The following DGKB variants were observed in gnomAD, a reference collection of about 807,000 sequenced individuals.
DGKB encodes the protein diacylglycerol kinase beta, also known as 90 kDa diacylglycerol kinase.
In DGKB, 67 loss-of-function variants were observed where a neutral mutation model predicts 114.3. The observed-to-expected ratio is 0.59, with a 90% CI of 0.48 to 0.72. DGKB has a LOEUF of 0.72. Ranked by LOEUF, DGKB falls within the 30% of genes least tolerant of loss-of-function variation. The pLI, the probability that DGKB is intolerant of heterozygous loss-of-function variation, is 0.00. For synonymous variants in DGKB, 398 were observed against 323.1 expected (o/e 1.23, Z -2.49); for missense variants, 907 against 975.2 (o/e 0.93, Z 0.93).
In DGKB at chr7:14,512,619, T is replaced by C. The variant is rs908663291; in HGVS notation, c.1771-34394A>G. ...GGTTTTAGAATCTGACTTCCAGCCA[T>C]TGAGAAAACAAAGAAACTAGTATGG... On this transcript the variant is annotated intron_variant, in intron 20 of 25. Coordinates refer to ENST00000402815, the MANE Select transcript of DGKB (RefSeq NM_001350709.2). Among the ~76,000 whole-genome samples the C allele has an allele frequency of 2.6e-5, 4 of 152,252 alleles. No individual in the cohort carries two copies. The South Asian group carries it at 6.2e-4, about 24-fold the overall frequency.
At chr7:14,697,890 A>G (rs1446307685) in intron 8 of DGKB, among the ~76,000 whole-genome samples, 1 of 145,962 alleles carries the variant, frequency 6.9e-6, no homozygotes, top group African/African-American at 2.6e-5. Flanking sequence ...GGAGGGGAGA[A>G]AGAAAGAGAA....
chr7:14,427,336 G>A (rs1312490064), intron 21 of DGKB, among the ~76,000 whole-genome samples: 1 of 151,966 alleles, frequency 6.6e-6, no homozygotes, highest in African/African-American at 2.4e-5. Flanking sequence ...CAATTTCATT[G>A]CCCATATCAC....
chr7:14,392,995 G>GTTTTTTTTTT (rs1554404748), intron 21 of DGKB, among the ~76,000 whole-genome samples: 4 of 60,536 alleles, frequency 6.6e-5, no homozygotes, highest in Admixed American at 2.3e-4. Flanking sequence ...TTTTGTTTTT[G>GTTTTTTTTTT]TTTTTTTTTT....
intron 2 of DGKB, among the ~76,000 whole-genome samples, chr7:14,793,310 C>T (rs2128024697): frequency 6.6e-6 from 1 of 152,248 alleles, no homozygotes; most frequent in South Asian, 2.1e-4. Flanking sequence ...TGCTCCCCCG[C>T]CAATCCTGCC....
intron 5 of DGKB, among the ~76,000 whole-genome samples, chr7:14,729,595 T>C (rs867064670): frequency 6.6e-6 from 1 of 152,188 alleles, no homozygotes; most frequent in Non-Finnish European, 1.5e-5. Context: ...TTTCACATCC[T>C]TTCCCACCCT....
intron 23 of DGKB, among the ~76,000 whole-genome samples, chr7:14,238,258 T>C (rs1294273299): frequency 6.6e-6 from 1 of 151,968 alleles, no homozygotes; most frequent in African/African-American, 2.4e-5. Context: ...CTCATGATAG[T>C]GAGTTTTCAT....
rs146736543 is a variant in DGKB at position 14,338,445 on chromosome 7, C to G, written c.2122+70G>C. 1,567 of 963,010 alleles carry G rather than the reference C, an allele frequency of 1.6e-3. 46 individuals carry two copies. In the African/African-American group the frequency reaches 0.024, roughly 15 times the overall value. The allele number at this position is 963,010 out of a possible 1,614,324, so 59.7% of individuals were successfully genotyped here. On this transcript the variant is annotated intron_variant, in intron 23 of 25. Transcript: ENST00000402815. ...AATTATTATAGTGCAACGGAAGACT[C>G]TTTACTTTTAAAGAAGCCTTTGAAA...
chr7:14,841,808 G>A (rs998173471), intron 1 of DGKB, among the ~76,000 whole-genome samples: 1 of 152,026 alleles, frequency 6.6e-6, no homozygotes, highest in Non-Finnish European at 1.5e-5. Flanking sequence ...ATAATTGCTT[G>A]GAATGTTCAT....
intron 1 of DGKB, among the ~76,000 whole-genome samples, chr7:14,852,039 A>G (rs1849420768): frequency 6.6e-6 from 1 of 152,186 alleles, no homozygotes; most frequent in Non-Finnish European, 1.5e-5. Context: ...CTATAAACAC[A>G]GTAAAACGAT....
intron 20 of DGKB, among the ~76,000 whole-genome samples, chr7:14,543,385 T>C (rs1167162840): frequency 6.6e-6 from 1 of 151,660 alleles, no homozygotes; most frequent in Non-Finnish European, 1.5e-5. Context: ...GTTGAGGCTG[T>C]GGTAAGCCAT....
chr7:14,323,593 C>A (rs1327570427), intron 23 of DGKB, among the ~76,000 whole-genome samples: 1 of 152,042 alleles, frequency 6.6e-6, no homozygotes, highest in Admixed American at 6.6e-5. Flanking sequence ...AGAAGCCATG[C>A]GAAGCCATGG....
chr7:14,685,188 G>T, intron 10 of DGKB, 57 bp downstream of exon 10: 2 of 1,153,164 alleles, frequency 1.7e-6, no homozygotes, highest in South Asian at 2.5e-5. Flanking sequence ...ACTATTCCAT[G>T]AAATCAACCT....
chr7:14,804,070 G>GGGGTGT (rs1554282561), intron 2 of DGKB, among the ~76,000 whole-genome samples: 2,220 of 146,606 alleles, frequency 0.015, 26 homozygotes, highest in Non-Finnish European at 0.021. Flanking sequence ...TCACTTTTTG[G>GGGGTGT]GTGTGTGTGT....
rs555410009 is a variant in DGKB, at chr7:14,889,881, A to G, written c.-188+12711T>C. ...ACCTGTCAAGGAAGTATTTCTGCAAAGTCAAAATAAGTTTTTCAATTATTT... is the reference window on the plus strand; with the variant it reads ...ACCTGTCAAGGAAGTATTTCTGCAAGGTCAAAATAAGTTTTTCAATTATTT... On this transcript the variant is annotated intron_variant, in intron 1 of 25. Coordinates refer to ENST00000402815, the MANE Select transcript of DGKB (RefSeq NM_001350709.2). Among the ~76,000 whole-genome samples the G allele has an allele frequency of 2.6e-5, 4 of 151,694 alleles. No individual in the cohort carries two copies. In the East Asian group the frequency reaches 7.8e-4, roughly 30 times the overall value.
In DGKB at chr7:14,974,093, T is replaced by G. The variant is rs1313101129; in HGVS notation, c.-188+603A>C. Among the ~76,000 whole-genome samples, 4 of 152,032 alleles carry G rather than the reference T, an allele frequency of 2.6e-5. No individual in the cohort carries two copies. In the East Asian group the frequency reaches 5.8e-4, roughly 22 times the overall value. On this transcript the variant is annotated intron_variant, in intron 1 of 4. Transcript: ENST00000437998. ...CATTTGTCAACTGTTCCATGTCATA[T>G]CATGTGGTAATACAGTTCTTTAAAC...
intron 1 of DGKB, among the ~76,000 whole-genome samples, chr7:14,879,345 C>T (rs570078659): frequency 6.7e-6 from 1 of 149,488 alleles, no homozygotes; most frequent in East Asian, 1.9e-4. Context: ...TAAATGAATG[C>T]GGTCAGGATC....
rs557849238 is a variant in DGKB at position 14,837,732 on chromosome 7, A to C, written c.70+3462T>G. On this transcript the variant is annotated intron_variant, in intron 2 of 25. Coordinates refer to ENST00000402815, the MANE Select transcript of DGKB (RefSeq NM_001350709.2). ...AAAGCCCCCGATAAACTGATCATGC[A>C]TATTGAACAGCATGAAAAATGAATG... is the stretch of plus-strand genomic sequence containing the variant. Among the ~76,000 whole-genome samples the C allele has an allele frequency of 2.0e-5, 3 of 152,306 alleles. No homozygotes were observed. The South Asian group carries it at 6.2e-4, about 32-fold the overall frequency.
chr7:14,259,961 A>C lies in DGKB; in HGVS notation c.2122+78554T>G, dbSNP rs1452873164. Among the ~76,000 whole-genome samples, 5 of 152,186 alleles carry C rather than the reference A, an allele frequency of 3.3e-5. No individual in the cohort carries two copies. The East Asian group carries it at 9.6e-4, about 29-fold the overall frequency. ...CTCAATTTCACAAGCATGTTATGTA[A>C]AATAAATACATTTCAAATTGTTGAG... On this transcript the variant is annotated intron_variant, in intron 23 of 25. Coordinates refer to ENST00000402815, the MANE Select transcript of DGKB (RefSeq NM_001350709.2).
At chr7:14,409,103 T>G (rs1224403408) in intron 21 of DGKB, among the ~76,000 whole-genome samples, 2 of 152,164 alleles carry the variant, frequency 1.3e-5, no homozygotes, top group East Asian at 3.9e-4. Context: ...CGGACTTGCA[T>G]AAAATTAACT....
Sources: gnomAD v4.1 joint callset for allele counts (sites outside exome capture counted in the v4.1 genomes callset) on GRCh38, gnomAD v4.1.1 for gene constraint, MANE v1.5 for transcripts, NCBI Gene and HGNC (gene_info 2026-07-23, HGNC 2026-07-21) for gene names.